The following ANKS1B variants were observed in gnomAD, a reference collection of about 807,000 sequenced individuals.
ANKS1B encodes ankyrin repeat and sterile alpha motif domain-containing protein 1B.
In ANKS1B, 36 loss-of-function variants were observed where a neutral mutation model predicts 148.3. The observed-to-expected ratio is 0.24, with a 90% CI of 0.19 to 0.32. ANKS1B has a LOEUF of 0.32. Among genes scored for constraint, ANKS1B ranks in the 10% least tolerant of loss-of-function variants. ANKS1B has a pLI of 1.00. For missense variants in ANKS1B, 1,157 were observed against 1,542.6 expected (o/e 0.75, Z 4.19); for synonymous variants, 542 against 560.8 (o/e 0.97, Z 0.47).
At chr12:99,126,145 A>G (rs946388825) in intron 15 of ANKS1B, among the ~76,000 whole-genome samples, 12 of 152,208 alleles carry the variant, frequency 7.9e-5, no homozygotes, top group African/African-American at 2.9e-4. Context: ...TCCAGACTTT[A>G]TGGGCTTAAT....
intron 10 of ANKS1B, among the ~76,000 whole-genome samples, chr12:99,453,766 G>A (rs2095798950): frequency 6.6e-6 from 1 of 152,196 alleles, no homozygotes; most frequent in Non-Finnish European, 1.5e-5. Context: ...ACATGTTTGT[G>A]CTACAATGGT....
intron 17 of ANKS1B, among the ~76,000 whole-genome samples, chr12:98,923,142 G>T (rs970351173): frequency 2.6e-5 from 4 of 152,122 alleles, no homozygotes; most frequent in Non-Finnish European, 5.9e-5. Context: ...AGCTCTCAGG[G>T]GAATGGGTTA....
chr12:99,791,498 C>T (rs1042776797), intron 4 of ANKS1B, among the ~76,000 whole-genome samples: 1 of 151,892 alleles, frequency 6.6e-6, no homozygotes, highest in Non-Finnish European at 1.5e-5. Flanking sequence ...GGACAGACCA[C>T]ATGTTAGGTC....
chr12:99,124,642 G>C (rs1235923315), intron 15 of ANKS1B, among the ~76,000 whole-genome samples: 2 of 152,094 alleles, frequency 1.3e-5, no homozygotes, highest in Admixed American at 6.6e-5. Context: ...GTCTGAATAA[G>C]GACACCTAGG....
At chr12:99,305,325 A>G (rs1190689393) in intron 12 of ANKS1B, among the ~76,000 whole-genome samples, 1 of 152,108 alleles carries the variant, frequency 6.6e-6, no homozygotes, top group African/African-American at 2.4e-5. Context: ...TACAAATTGT[A>G]TATTTCTGCT....
Position 99,798,439 on chromosome 12 carries a change from A to C in ANKS1B, c.669+7965T>G, listed in dbSNP as rs74598570. 1.1e-3 allele frequency among the ~76,000 whole-genome samples: 161 copies of C among 151,314 alleles called. 1 individual carries two copies. Among genetic ancestry groups the C allele is most frequent in the African/African-American group, 3.4e-3 (140 of 41,148 alleles). ...TCTTGGAATTAAAAAAAAAAAAAAA[A>C]AAAACAAAAGATAACAACTCAACTT... On this transcript the variant is annotated intron_variant, in intron 4 of 26. Transcript: ENST00000683438.
chr12:99,884,025 GA>G (rs1421303585), intron 1 of ANKS1B, among the ~76,000 whole-genome samples: 2 of 151,906 alleles, frequency 1.3e-5, no homozygotes, highest in Admixed American at 1.3e-4. Context: ...TACATGATTT[GA>G]AAGAAAACTT....
chr12:98,736,950 A>C (rs905293557), intron 9 of ANKS1B, among the ~76,000 whole-genome samples: 1 of 152,224 alleles, frequency 6.6e-6, no homozygotes, highest in Non-Finnish European at 1.5e-5. Flanking sequence ...TTGAGAGATC[A>C]TGGGGACAAC....
chr12:98,790,385 G>T (rs1259239430), intron 22 of ANKS1B, among the ~76,000 whole-genome samples: 2 of 152,208 alleles, frequency 1.3e-5, no homozygotes, highest in Non-Finnish European at 2.9e-5. Flanking sequence ...AAACGGGTAT[G>T]TTAATATAGC....
chr12:99,555,455 G>A (rs542048360), intron 9 of ANKS1B, among the ~76,000 whole-genome samples: 236 of 152,172 alleles, frequency 1.6e-3, no homozygotes, highest in African/African-American at 5.6e-3. Flanking sequence ...TGATTCCTTG[G>A]CTAGGACTTC....
At chr12:99,499,728 AC>A (rs1336256034) in intron 10 of ANKS1B, among the ~76,000 whole-genome samples, 1 of 152,182 alleles carries the variant, frequency 6.6e-6, no homozygotes, top group Non-Finnish European at 1.5e-5. Context: ...CGTTGACACC[AC>A]ATGGAACAGA....
At chr12:98,926,266 A>C (rs78656601) in intron 17 of ANKS1B, among the ~76,000 whole-genome samples, 2,073 of 152,262 alleles carry the variant, frequency 0.014, 105 homozygotes, top group South Asian at 0.13. Flanking sequence ...AAATCTGTTC[A>C]ATCATTAGGT....
rs1388093384 is a variant in ANKS1B at position 98,745,036 on chromosome 12, T to G, written c.*703A>C. 7.1e-6 allele frequency: 7 copies of G among 984,956 alleles called. No homozygotes were observed. Among genetic ancestry groups the G allele is most frequent in the Admixed American group, 6.1e-5 (1 of 16,272 alleles). 61.0% of individuals were successfully genotyped at this position (984,956 alleles called of 1,614,324 possible). The stretch of plus-strand genomic sequence containing the variant: ...TCAATGCATTAATGAAACATTCTTT[T>G]AATAAAAATATTTAATACAAGACAC... On this transcript the variant is annotated 3_prime_UTR_variant, in exon 27 of 27. Coordinates refer to ENST00000683438, the MANE Select transcript of ANKS1B (RefSeq NM_001352186.2).
intron 17 of ANKS1B, among the ~76,000 whole-genome samples, chr12:98,962,012 GGA>G (rs1445042575): frequency 6.7e-6 from 1 of 149,958 alleles, no homozygotes; most frequent in Non-Finnish European, 1.5e-5. Flanking sequence ...AAGGAAGGAA[GGA>G]AGAGAAGACC....
intron 16 of ANKS1B, among the ~76,000 whole-genome samples, chr12:99,079,466 C>G (rs566307385): frequency 9.9e-5 from 15 of 152,226 alleles, no homozygotes; most frequent in African/African-American, 3.6e-4. Context: ...CACTAAAATT[C>G]AGGTGTTCAT....
intron 9 of ANKS1B, among the ~76,000 whole-genome samples, chr12:99,536,175 T>G (rs2097063352): frequency 6.6e-6 from 1 of 152,184 alleles, no homozygotes; most frequent in South Asian, 2.1e-4. Context: ...AAATCAATCC[T>G]GACCCATAGA....
intron 9 of ANKS1B, among the ~76,000 whole-genome samples, chr12:99,619,829 G>T (rs981022227): frequency 1.3e-5 from 2 of 152,144 alleles, no homozygotes; most frequent in Admixed American, 1.3e-4. Flanking sequence ...CCACCCACTG[G>T]ATTCTTGCTT....
At position 99,376,085 on chromosome 12, in the gene ANKS1B, C is replaced by T. The variant is rs191926940; in HGVS notation, c.1756+23546G>A. 1.4e-4 allele frequency among the ~76,000 whole-genome samples: 22 copies of T among 152,272 alleles called. No individual in the cohort carries two copies. The East Asian group carries it at 2.3e-3, about 16-fold the overall frequency. ...CGAATACATGAATTATCAAACCATTCGCTGTTCAAAAATAAACTTCTGAAC... is the reference window on the plus strand; with the variant it reads ...CGAATACATGAATTATCAAACCATTTGCTGTTCAAAAATAAACTTCTGAAC... On this transcript the variant is annotated intron_variant, in intron 12 of 26. Transcript: ENST00000683438.
At chr12:99,489,759 C>T (rs956300204) in intron 10 of ANKS1B, among the ~76,000 whole-genome samples, 18 of 152,144 alleles carry the variant, frequency 1.2e-4, no homozygotes, top group Admixed American at 1.3e-4. Flanking sequence ...GACTTGTTTA[C>T]GGCATAGCTT....
Sources: allele counts gnomAD v4.1 joint callset (sites outside exome capture counted in the v4.1 genomes callset), GRCh38; gene constraint gnomAD v4.1.1; transcripts MANE v1.5; gene names NCBI Gene and HGNC (gene_info 2026-07-23, HGNC 2026-07-21).